MPPED1: variants seen among roughly 807,000 people sequenced by gnomAD.
MPPED1 encodes metallophosphoesterase domain-containing protein 1.
A neutral mutation model predicts 36.2 loss-of-function variants in MPPED1; 16 were observed. The ratio of observed to expected loss-of-function variants is 0.44; its 90% confidence interval spans 0.30 to 0.67. The LOEUF (loss-of-function observed/expected upper bound fraction) is 0.67, where lower values mean the gene tolerates loss of function less well. Ranked by LOEUF, MPPED1 falls within the 30% of genes least tolerant of loss-of-function variation. MPPED1 has a pLI of 0.10. For synonymous variants in MPPED1, 199 were observed against 191.3 expected (o/e 1.04, Z -0.33); for missense variants, 307 against 453.4 (o/e 0.68, Z 2.93).
intron 2 of MPPED1, among the ~76,000 whole-genome samples, chr22:43,429,818 G>A (rs1042950432): frequency 2.0e-5 from 3 of 152,158 alleles, no homozygotes; most frequent in Non-Finnish European, 2.9e-5. Flanking sequence ...GGGTGGGGGT[G>A]GCATAATCCC....
chr22:43,433,650 G>C (rs1929846836), intron 2 of MPPED1, among the ~76,000 whole-genome samples: 3 of 151,572 alleles, frequency 2.0e-5, no homozygotes, highest in Non-Finnish European at 2.9e-5. Flanking sequence ...AGGCTGGCTC[G>C]GCGCCTCCGG....
At chr22:43,501,485 G>T (rs932008405) in intron 5 of MPPED1, among the ~76,000 whole-genome samples, 1 of 151,134 alleles carries the variant, frequency 6.6e-6, no homozygotes, top group South Asian at 2.2e-4. Context: ...TTCACACACC[G>T]CCCGGCTCCT....
chr22:43,426,486 C>T (rs1458055673), intron 2 of MPPED1, among the ~76,000 whole-genome samples: 3 of 152,204 alleles, frequency 2.0e-5, no homozygotes, highest in Non-Finnish European at 4.4e-5. Context: ...AGGGTCCAGG[C>T]CCTGGGCCGC....
intron 2 of MPPED1, among the ~76,000 whole-genome samples, chr22:43,433,033 A>C (rs1252801180): frequency 1.3e-5 from 2 of 152,086 alleles, no homozygotes; most frequent in African/African-American, 4.8e-5. Context: ...GCCCAGTAGC[A>C]ATTGGCTGCC....
intron 3 of MPPED1, among the ~76,000 whole-genome samples, chr22:43,439,035 G>T (rs1054967716): frequency 6.6e-6 from 1 of 152,236 alleles, no homozygotes; most frequent in Non-Finnish European, 1.5e-5. Context: ...GACAGGAAGA[G>T]ATTTAAAAAA....
rs995311523 is a variant in MPPED1, at chr22:43,507,142, C to T, written c.*1526C>T. 9 of 152,242 alleles carry T rather than the reference C, an allele frequency of 5.9e-5. No homozygotes were observed. Among genetic ancestry groups the T allele is most frequent in the African/African-American group, 1.9e-4 (8 of 41,452 alleles). The allele number at this position is 152,242 out of a possible 1,614,324, so 9.4% of individuals were successfully genotyped here. A position where few individuals can be genotyped will look rare whatever the true frequency, so the allele number is the denominator to read the frequency against. On this transcript the variant is annotated 3_prime_UTR_variant, in exon 7 of 7. Coordinates refer to ENST00000443721, the MANE Select transcript of MPPED1 (RefSeq NM_001044370.2). ...TGGTAACTTGCCTGGGGGCTCACAG[C>T]ACAAAAGGAGCCGAGGCAGGATCTG... is the stretch of plus-strand genomic sequence containing the variant.
intron 4 of MPPED1, among the ~76,000 whole-genome samples, chr22:43,484,663 T>C (rs1342395472): frequency 6.6e-6 from 1 of 152,202 alleles, no homozygotes; most frequent in Non-Finnish European, 1.5e-5. Flanking sequence ...ACCTGCATGG[T>C]GTTTCCCTTT....
In MPPED1 at chr22:43,502,797, GCT is replaced by G. The variant is rs764506080; in HGVS notation, c.862+42_862+43del. On this transcript the variant is annotated intron_variant, in intron 6 of 6. Transcript: ENST00000443721. The surrounding 1 kb of genome is among the most constrained non-coding windows in gnomAD (Gnocchi z 5.5). ...GAGACAGGCACCTCACGGGCTAGGG[GCT>G]CCTAATGGACCCTCCAGCAGGACCT... 17 of 1,537,220 alleles carry G rather than the reference GCT, an allele frequency of 1.1e-5. No individual in the cohort carries two copies. In the African/African-American group the frequency reaches 2.0e-4, roughly 18 times the overall value.
At position 43,444,364 on chromosome 22, in the gene MPPED1, CTT is replaced by C. The variant is rs11307353; in HGVS notation, c.406+9168_406+9169del. On this transcript the variant is annotated intron_variant, in intron 3 of 6. Transcript: ENST00000443721. ...GTGGTGTTTTTTTCTTTCTATCTAT[CTT>C]TTTTTTTTTTTTTTTTTTGAGATGG... is the stretch of plus-strand genomic sequence containing the variant. Among the ~76,000 whole-genome samples, 627 of 89,314 alleles carry C rather than the reference CTT, an allele frequency of 7.0e-3. 5 individuals are homozygous for C. The highest frequency in any genetic ancestry group is 0.021 in the Middle Eastern group (3 of 144). 58.6% of individuals were successfully genotyped at this position (89,314 alleles called of 152,430 possible).
intron 3 of MPPED1, among the ~76,000 whole-genome samples, chr22:43,444,062 T>C (rs1019429741): frequency 1.3e-5 from 2 of 152,126 alleles, no homozygotes; most frequent in Non-Finnish European, 2.9e-5. Context: ...TCAAAAAAAT[T>C]CCTCACAAGC....
At chr22:43,420,018 AGGAGTGCTGGGCTGCGG>A (rs1929208690) in intron 1 of MPPED1, among the ~76,000 whole-genome samples, 1 of 152,150 alleles carries the variant, frequency 6.6e-6, no homozygotes, top group African/African-American at 2.4e-5. Context: ...GAATTTTTCA[AGGAGTGCTGGGCTGCGG>A]GGACCTGGAG....
chr22:43,473,733 T>A (rs1427543175), intron 3 of MPPED1, among the ~76,000 whole-genome samples: 1 of 152,096 alleles, frequency 6.6e-6, no homozygotes. Context: ...TGGCGTTTAC[T>A]GAGACCGAAC....
At chr22:43,488,369 G>T (rs766403720) in intron 4 of MPPED1, among the ~76,000 whole-genome samples, 3 of 152,190 alleles carry the variant, frequency 2.0e-5, no homozygotes, top group Non-Finnish European at 4.4e-5. Flanking sequence ...ACCTGGGGAG[G>T]CAGAGAACCC....
chr22:43,439,205 C>T (rs745354104), intron 3 of MPPED1, among the ~76,000 whole-genome samples: 7 of 152,178 alleles, frequency 4.6e-5, no homozygotes, highest in South Asian at 2.1e-4. Flanking sequence ...GCTGGGTCTG[C>T]GTTCATGGGA....
chr22:43,499,625 GAT>G (rs1932568785), intron 5 of MPPED1, among the ~76,000 whole-genome samples: 12 of 23,394 alleles, frequency 5.1e-4, no homozygotes, highest in South Asian at 1.1e-3. Context: ...TGGTGGTGGT[GAT>G]GATGGTGGAG....
intron 2 of MPPED1, among the ~76,000 whole-genome samples, chr22:43,432,023 G>A (rs956855485): frequency 2.0e-5 from 3 of 152,170 alleles, no homozygotes; most frequent in Non-Finnish European, 4.4e-5. Flanking sequence ...GCTGGTGGTG[G>A]GTGGGAGCTG....
Position 43,412,101 on chromosome 22 carries a change from C to G in MPPED1, c.-136C>G, listed in dbSNP as rs1257037712. ...CTCCCTCCCGGGAGCCCCTGCCTCCCTCGGTGCGCGCTGCTGCTCGCAGCC... is the reference window on the plus strand; with the variant it reads ...CTCCCTCCCGGGAGCCCCTGCCTCCGTCGGTGCGCGCTGCTGCTCGCAGCC... On this transcript the variant is annotated 5_prime_UTR_variant, in exon 1 of 7. Transcript: ENST00000443721. 5 of 979,528 alleles carry G rather than the reference C, an allele frequency of 5.1e-6. No individual in the cohort carries two copies. The East Asian group carries it at 5.8e-4, about 113-fold the overall frequency. The allele number at this position is 979,528 out of a possible 1,614,324, so 60.7% of individuals were successfully genotyped here.
intron 3 of MPPED1, among the ~76,000 whole-genome samples, chr22:43,436,139 G>T (rs80083000): frequency 6.6e-6 from 1 of 152,162 alleles, no homozygotes; most frequent in Non-Finnish European, 1.5e-5. Flanking sequence ...TAAACCTAGG[G>T]GACCCCCTGG....
At chr22:43,439,869 C>A (rs1048755072) in intron 3 of MPPED1, among the ~76,000 whole-genome samples, 1 of 152,230 alleles carries the variant, frequency 6.6e-6, no homozygotes, top group Non-Finnish European at 1.5e-5. Flanking sequence ...CCGGGGCCCA[C>A]GCTCCACTCA....
Sources: allele counts gnomAD v4.1 joint callset (sites outside exome capture counted in the v4.1 genomes callset), GRCh38; gene constraint gnomAD v4.1.1; non-coding constraint Gnocchi (gnomAD v3.1); transcripts MANE v1.5; gene names NCBI Gene and HGNC (gene_info 2026-07-23, HGNC 2026-07-21).